The following KLF12 variants were observed in gnomAD, a reference collection of about 807,000 sequenced individuals.
The protein encoded by KLF12 is KLF transcription factor 12, also known as Krueppel-like factor 12.
KLF12 carries 9 observed loss-of-function variants against 37.8 expected under a neutral mutation model. The ratio of observed to expected loss-of-function variants is 0.24; its 90% confidence interval spans 0.14 to 0.42. KLF12 has a LOEUF of 0.42. KLF12 is among the 10% of genes least tolerant of loss of function. The probability of loss-of-function intolerance (pLI) is 1.00; values close to 1 mark genes in which losing one functional copy is unlikely to be tolerated. For missense variants in KLF12, 411 were observed against 516.0 expected (o/e 0.80, Z 1.97); for synonymous variants, 208 against 202.1 (o/e 1.03, Z -0.25).
At chr13:74,036,131 C>T (rs1420995764) in intron 1 of KLF12, among the ~76,000 whole-genome samples, 7 of 152,188 alleles carry the variant, frequency 4.6e-5, no homozygotes, top group African/African-American at 7.2e-5. Context: ...AACCATCTGA[C>T]ACCACCCACT....
At chr13:74,032,554 T>C (rs1187362226) in intron 1 of KLF12, among the ~76,000 whole-genome samples, 1 of 152,174 alleles carries the variant, frequency 6.6e-6, no homozygotes, top group Non-Finnish European at 1.5e-5. Context: ...CAGCGTTCAG[T>C]GTCAACTCAA....
At chr13:74,087,000 TG>T (rs1875347449) in intron 1 of KLF12, among the ~76,000 whole-genome samples, 1 of 152,204 alleles carries the variant, frequency 6.6e-6, no homozygotes, top group East Asian at 1.9e-4. Context: ...CTTGCTGTCT[TG>T]GGGTGGCAGA....
At chr13:73,740,343 T>C (rs1877882080) in intron 6 of KLF12, among the ~76,000 whole-genome samples, 3 of 152,134 alleles carry the variant, frequency 2.0e-5, no homozygotes, top group Admixed American at 2.0e-4. Context: ...ATCTTGGACT[T>C]TGCAGCCTCC....
At chr13:74,200,232 C>G in the KLF12 span, among the ~76,000 whole-genome samples, 1 of 151,952 alleles carries the variant, frequency 6.6e-6, no homozygotes, top group Non-Finnish European at 1.5e-5. Flanking sequence ...ATTCTTTTAG[C>G]CTGAGTCCTG....
intron 2 of KLF12, among the ~76,000 whole-genome samples, chr13:73,982,550 A>G (rs1384353547): frequency 1.3e-5 from 2 of 152,278 alleles, no homozygotes; most frequent in East Asian, 3.8e-4. Flanking sequence ...CCATTAAAAA[A>G]TAAAAAAGAA....
intron 2 of KLF12, among the ~76,000 whole-genome samples, chr13:73,972,888 A>C (rs1264176934): frequency 6.6e-6 from 1 of 151,870 alleles, no homozygotes; most frequent in African/African-American, 2.4e-5. Context: ...ACGTTTCTAC[A>C]AGGTACTGGG....
At chr13:74,090,153 G>A (rs1593891138) in intron 1 of KLF12, among the ~76,000 whole-genome samples, 1 of 151,752 alleles carries the variant, frequency 6.6e-6, no homozygotes. Context: ...TGTATTGAAC[G>A]ATCCAAAAAC....
chr13:74,065,201 T>TAC (rs77575006), intron 1 of KLF12, among the ~76,000 whole-genome samples: 1,872 of 112,046 alleles, frequency 0.017, 39 homozygotes, highest in African/African-American at 0.043. Context: ...ATCTGATTCT[T>TAC]ACACACACAC....
At chr13:74,145,681 A>T in the KLF12 span, among the ~76,000 whole-genome samples, 1 of 152,220 alleles carries the variant, frequency 6.6e-6, no homozygotes, top group African/African-American at 2.4e-5. Flanking sequence ...TTATTTAGTA[A>T]CATGTAATCA....
chr13:74,188,213 T>C, the KLF12 span, among the ~76,000 whole-genome samples: 1 of 152,184 alleles, frequency 6.6e-6, no homozygotes. Flanking sequence ...CGAATTAGTG[T>C]ATTCTATCCA....
intron 3 of KLF12, among the ~76,000 whole-genome samples, chr13:73,931,669 G>A (rs1350693863): frequency 1.3e-5 from 2 of 152,134 alleles, no homozygotes; most frequent in Non-Finnish European, 2.9e-5. Context: ...TGCTGATGGT[G>A]AAAGAATGTT....
chr13:73,932,858 A>C (rs912516194), intron 3 of KLF12, among the ~76,000 whole-genome samples: 1 of 152,188 alleles, frequency 6.6e-6, no homozygotes, highest in Non-Finnish European at 1.5e-5. Flanking sequence ...AAAACTTTTC[A>C]CAAGATCTAT....
At chr13:74,276,604 T>C in the KLF12 span, among the ~76,000 whole-genome samples, 1 of 152,186 alleles carries the variant, frequency 6.6e-6, no homozygotes, top group South Asian at 2.1e-4. Context: ...TTAATATTTA[T>C]CTTAACCTGA....
chr13:74,058,798 C>T (rs1300263661), intron 1 of KLF12, among the ~76,000 whole-genome samples: 2 of 152,062 alleles, frequency 1.3e-5, no homozygotes, highest in African/African-American at 2.4e-5. Flanking sequence ...TTATTTTCTA[C>T]TTATTTGATT....
the KLF12 span, among the ~76,000 whole-genome samples, chr13:74,164,031 A>G: frequency 6.6e-6 from 1 of 152,176 alleles, no homozygotes; most frequent in Admixed American, 6.5e-5. Flanking sequence ...CAGGAAAGGT[A>G]TATCTGGCCA....
Position 74,023,888 on chromosome 13 carries a change from T to C in KLF12, c.-31-28835A>G, listed in dbSNP as rs989540454. ...CAGATTAAGCAAGTTTCTGGTGATC[T>C]TGAAGAAAAGGGGCATGTGAAATAC... On this transcript the variant is annotated intron_variant, in intron 1 of 7. Coordinates refer to ENST00000377669, the MANE Select transcript of KLF12 (RefSeq NM_007249.5). 6.2e-4 allele frequency among the ~76,000 whole-genome samples: 95 copies of C among 152,164 alleles called. 3 individuals carry two copies. The highest frequency in any genetic ancestry group is 4.1e-4 in the Non-Finnish European group (28 of 68,030).
At chr13:74,111,178 TAAG>T (rs1876954291) in intron 1 of KLF12, among the ~76,000 whole-genome samples, 1 of 150,622 alleles carries the variant, frequency 6.6e-6, no homozygotes, top group Admixed American at 6.6e-5. Context: ...GTAAGAATAA[TAAG>T]AATAATATAA....
At chr13:73,809,971 C>T (rs368452010) in intron 5 of KLF12, among the ~76,000 whole-genome samples, 6 of 152,074 alleles carry the variant, frequency 3.9e-5, no homozygotes, top group African/African-American at 9.7e-5. Context: ...GTAGGCTGGG[C>T]GCGGTGGCTC....
intron 1 of KLF12, among the ~76,000 whole-genome samples, chr13:74,029,201 C>T (rs1893054604): frequency 6.6e-6 from 1 of 152,060 alleles, no homozygotes; most frequent in South Asian, 2.1e-4. Context: ...TTCCCAAATA[C>T]CAGTCTTTAA....
Sources: allele counts gnomAD v4.1 joint callset (sites outside exome capture counted in the v4.1 genomes callset), GRCh38; gene constraint gnomAD v4.1.1; transcripts MANE v1.5; gene names NCBI Gene and HGNC (gene_info 2026-07-23, HGNC 2026-07-21).